The following CWC25 variants were observed in gnomAD, a reference collection of about 807,000 sequenced individuals.
CWC25 encodes pre-mRNA-splicing factor CWC25 homolog.
CWC25 carries 31 observed loss-of-function variants against 54.6 expected under a neutral mutation model. That is an observed-to-expected ratio of 0.57 (90% CI 0.43 to 0.77). The LOEUF (loss-of-function observed/expected upper bound fraction) is 0.77, where lower values mean the gene tolerates loss of function less well. Ranked by LOEUF, CWC25 falls within the 30% of genes least tolerant of loss-of-function variation. CWC25 has a pLI of 0.00. For synonymous variants in CWC25, 151 were observed against 187.0 expected (o/e 0.81, Z 1.57); for missense variants, 453 against 529.3 (o/e 0.86, Z 1.41).
chr17:38,812,915 T>C, intron 3 of CWC25, 51 bp from the exon 4 acceptor site: 1 of 1,035,884 alleles, frequency 9.7e-7, no homozygotes, highest in Non-Finnish European at 1.5e-6. Flanking sequence ...CTCCAAATTC[T>C]ATGGAGTAAC....
At position 38,816,699 on chromosome 17, in the gene CWC25, C is replaced by T. The variant is rs568310169; in HGVS notation, c.192-1602G>A. 4.7e-3 allele frequency among the ~76,000 whole-genome samples: 672 copies of T among 142,404 alleles called. 5 individuals are homozygous for T. The highest frequency in any genetic ancestry group is 0.019 in the African/African-American group (653 of 35,006). 93.4% of individuals were successfully genotyped at this position (142,404 alleles called of 152,430 possible). A position where few individuals can be genotyped will look rare whatever the true frequency, so the allele number is the denominator to read the frequency against. On this transcript the variant is annotated intron_variant, in intron 2 of 9. Transcript: ENST00000614790. Reference sequence around the variant, plus strand: ...GCAGGGCCATGACCCTTTTTTTTTTCCCCCAGACAGAGTTTCACTCTGTTG... The same window carrying T: ...GCAGGGCCATGACCCTTTTTTTTTTTCCCCAGACAGAGTTTCACTCTGTTG...
Position 38,814,856 on chromosome 17 carries a change from AG to A in CWC25, c.428+4del. 3 of 1,583,964 alleles carry A rather than the reference AG, an allele frequency of 1.9e-6. No individual in the cohort carries two copies. Among genetic ancestry groups the A allele is most frequent in the Non-Finnish European group, 2.6e-6 (3 of 1,160,684 alleles). ...CAAACCCCCTTCCTAGCCCCCCATT[AG>A]TACCTGATGATGAAGAGTGGGTCCT... is the stretch of plus-strand genomic sequence containing the variant. On this transcript the variant is annotated splice_donor_region_variant and intron_variant, in intron 3 of 9. Transcript: ENST00000614790.
chr17:38,818,368 C>T (rs905777971), intron 2 of CWC25, among the ~76,000 whole-genome samples: 19 of 151,596 alleles, frequency 1.3e-4, no homozygotes, highest in African/African-American at 4.4e-4. Flanking sequence ...CCGAGGCGGG[C>T]GGATCATGAG....
chr17:38,807,293 A>G (rs1396643581), intron 6 of CWC25, among the ~76,000 whole-genome samples: 1 of 126,076 alleles, frequency 7.9e-6, no homozygotes, highest in Non-Finnish European at 1.7e-5. Context: ...ACTGCACTCC[A>G]GCCTGGATGA....
intron 1 of CWC25, among the ~76,000 whole-genome samples, chr17:38,823,039 C>T (rs1323801109): frequency 2.6e-5 from 4 of 151,696 alleles, no homozygotes; most frequent in African/African-American, 7.3e-5. Context: ...CGGGTTTCAC[C>T]GTGTTAGCCA....
intron 2 of CWC25, 118 bp from the exon 3 acceptor site, chr17:38,815,215 T>TG: frequency 1.2e-6 from 1 of 865,762 alleles, no homozygotes. Context: ...TTCATTCTAC[T>TG]GGCACCTACC....
rs148850513 is a variant in CWC25 at position 38,801,235 on chromosome 17, A to G, written c.*857T>C. The G allele has an allele frequency of 4.5e-3, 679 of 152,246 alleles. 6 individuals are homozygous for G. Among genetic ancestry groups the G allele is most frequent in the African/African-American group, 0.016 (661 of 41,528 alleles). The allele number at this position is 152,246 out of a possible 1,614,324, so 9.4% of individuals were successfully genotyped here. On this transcript the variant is annotated 3_prime_UTR_variant, in exon 10 of 10. Transcript: ENST00000614790. ...TTTTCCTTTAGGAGCCATGGAGCAT[A>G]TTGGCAATTTGGTTCTGACTCCTAA...
intron 6 of CWC25, among the ~76,000 whole-genome samples, chr17:38,809,155 C>T (rs796158901): frequency 2.6e-5 from 4 of 151,262 alleles, no homozygotes; most frequent in African/African-American, 7.3e-5. Flanking sequence ...AGGCCAGGCA[C>T]GGTGGCTCAC....
rs532189815 is a variant in CWC25 at position 38,809,422 on chromosome 17, G to A, written c.690+280C>T. Reference sequence around the variant, plus strand: ...CAGCCTGGGTGACAAGCGAGACTCCGTCTCAAAAAAAAAAAAAAACAAAAA... The same window carrying A: ...CAGCCTGGGTGACAAGCGAGACTCCATCTCAAAAAAAAAAAAAAACAAAAA... On this transcript the variant is annotated intron_variant, in intron 6 of 9. Transcript: ENST00000614790. Among the ~76,000 whole-genome samples the A allele has an allele frequency of 8.7e-5, 9 of 103,328 alleles. No homozygotes were observed. In the South Asian group the frequency reaches 2.8e-3, roughly 33 times the overall value. 67.8% of individuals were successfully genotyped at this position (103,328 alleles called of 152,430 possible). A position where few individuals can be genotyped will look rare whatever the true frequency, so the allele number is the denominator to read the frequency against.
intron 2 of CWC25, among the ~76,000 whole-genome samples, chr17:38,819,010 T>TTCAC (rs1379645053): frequency 2.6e-5 from 3 of 117,048 alleles, no homozygotes; most frequent in Non-Finnish European, 4.0e-5. Flanking sequence ...AAAATCAATT[T>TTCAC]TTACTTATTT....
rs368098992 is a variant in CWC25, at chr17:38,802,062, C to G, written c.*30G>C. The stretch of plus-strand genomic sequence containing the variant: ...GGGTCAGCAGCTTCCCTGGAAAATG[C>G]AGGAAAACCAATAAGAGAGGGGACA... On this transcript the variant is annotated 3_prime_UTR_variant, in exon 10 of 10. Transcript: ENST00000614790. 1 of 1,432,306 alleles carries G rather than the reference C, an allele frequency of 7.0e-7. No homozygotes were observed. The highest frequency in any genetic ancestry group is 9.8e-7 in the Non-Finnish European group (1 of 1,019,048). 88.7% of individuals were successfully genotyped at this position (1,432,306 alleles called of 1,614,324 possible).
chr17:38,822,568 A>T (rs960385531), intron 1 of CWC25, among the ~76,000 whole-genome samples: 6 of 152,144 alleles, frequency 3.9e-5, no homozygotes, highest in Non-Finnish European at 8.8e-5. Flanking sequence ...TTTCCCAATA[A>T]TGAAATGTTC....
In CWC25 at chr17:38,802,019, C is replaced by T; in HGVS notation, c.*73G>A. ...ATCTGTGAAAGAAGTCATTTGAACT[C>T]TTATAAAGAGAATTAAGGGGTCAGC... On this transcript the variant is annotated 3_prime_UTR_variant, in exon 10 of 10. Transcript: ENST00000614790. The T allele has an allele frequency of 1.1e-6, 1 of 930,688 alleles. No homozygotes were observed. The highest frequency in any genetic ancestry group is 1.7e-6 in the Non-Finnish European group (1 of 592,802). The allele number at this position is 930,688 out of a possible 1,614,324, so 57.7% of individuals were successfully genotyped here. A position where few individuals can be genotyped will look rare whatever the true frequency, so the allele number is the denominator to read the frequency against.
Position 38,802,025 on chromosome 17 carries a change from A to G in CWC25, c.*67T>C. The G allele has an allele frequency of 1.0e-6, 1 of 975,324 alleles. No individual in the cohort carries two copies. Among genetic ancestry groups the G allele is most frequent in the African/African-American group, 1.6e-5 (1 of 61,840 alleles). 60.4% of individuals were successfully genotyped at this position (975,324 alleles called of 1,614,324 possible). ...GAAAGAAGTCATTTGAACTCTTATA[A>G]AGAGAATTAAGGGGTCAGCAGCTTC... On this transcript the variant is annotated 3_prime_UTR_variant, in exon 10 of 10. Transcript: ENST00000614790.
chr17:38,821,445 G>A (rs1038521257), intron 1 of CWC25, among the ~76,000 whole-genome samples: 7 of 152,054 alleles, frequency 4.6e-5, no homozygotes, highest in African/African-American at 1.4e-4. Context: ...CTGTAGTCCC[G>A]GCTATTCAGC....
At chr17:38,816,455 T>G (rs868395153) in intron 2 of CWC25, among the ~76,000 whole-genome samples, 1 of 152,228 alleles carries the variant, frequency 6.6e-6, no homozygotes, top group Middle Eastern at 3.4e-3. Context: ...ACTTGCTATG[T>G]TGCCCAGGCT....
chr17:38,806,193 G>T, intron 8 of CWC25, 104 bp downstream of exon 8: 1 of 956,774 alleles, frequency 1.0e-6, no homozygotes, highest in Non-Finnish European at 1.6e-6. Flanking sequence ...AATAAAAGTT[G>T]GTTCGTCGAA....
rs192321319 is a variant in CWC25, at chr17:38,804,722, C to T, written c.1001+1575G>A. Among the ~76,000 whole-genome samples, 1,163 of 147,750 alleles carry T rather than the reference C, an allele frequency of 7.9e-3. 9 individuals carry two copies. The highest frequency in any genetic ancestry group is 0.018 in the Middle Eastern group (5 of 282). The stretch of plus-strand genomic sequence containing the variant: ...ACTCGGGAGGCTGAGGCAGGAGAAT[C>T]GCTGGAACCCGGGAGGCAGAGGTTG... On this transcript the variant is annotated intron_variant, in intron 8 of 9. Transcript: ENST00000614790.
At chr17:38,807,092 C>T (rs913189326) in intron 6 of CWC25, 116 bp from the exon 7 acceptor site, 13 of 693,128 alleles carry the variant, frequency 1.9e-5, no homozygotes, top group South Asian at 3.9e-5. Flanking sequence ...GAGGCCGAGG[C>T]GGGGGGGATC....
Sources: allele counts gnomAD v4.1 joint callset (sites outside exome capture counted in the v4.1 genomes callset), GRCh38; gene constraint gnomAD v4.1.1; transcripts MANE v1.5; gene names NCBI Gene and HGNC (gene_info 2026-07-23, HGNC 2026-07-21).